Variants in RASGRF2 observed in about 807,000 individuals in gnomAD.
The protein encoded by RASGRF2 is Ras protein specific guanine nucleotide releasing factor 2, also known as ras-specific guanine nucleotide-releasing factor 2.
RASGRF2 carries 76 observed loss-of-function variants against 151.0 expected under a neutral mutation model. The ratio of observed to expected loss-of-function variants is 0.50; its 90% CI spans 0.42 to 0.61. RASGRF2 has a LOEUF of 0.61. Among genes scored for constraint, RASGRF2 ranks in the 20% least tolerant of loss-of-function variants. The pLI is 0.00. For synonymous variants in RASGRF2, 504 were observed against 566.5 expected (o/e 0.89, Z 1.57); for missense variants, 1,148 against 1,564.6 (o/e 0.73, Z 4.49).
intron 22 of RASGRF2, among the ~76,000 whole-genome samples, chr5:81,209,387 G>T (rs1755582464): frequency 6.6e-6 from 1 of 152,182 alleles, no homozygotes; most frequent in African/African-American, 2.4e-5. Flanking sequence ...GCAACGGGAA[G>T]CCTCCCCTTC....
chr5:81,129,710 A>C (rs2112577472), intron 17 of RASGRF2, among the ~76,000 whole-genome samples: 1 of 152,286 alleles, frequency 6.6e-6, no homozygotes, highest in Middle Eastern at 3.4e-3. Flanking sequence ...GAAATAAGGG[A>C]GGCTTTTCTA....
At chr5:81,112,967 C>G in intron 14 of RASGRF2, 109 bp downstream of exon 14, 1 of 1,396,618 alleles carries the variant, frequency 7.2e-7, no homozygotes, top group African/African-American at 1.4e-5. Flanking sequence ...CTAGGGTGTA[C>G]TAGCTTGCCT....
At chr5:81,224,350 C>T (rs1240777343) in intron 26 of RASGRF2, among the ~76,000 whole-genome samples, 4 of 152,102 alleles carry the variant, frequency 2.6e-5, no homozygotes, top group Non-Finnish European at 4.4e-5. Flanking sequence ...ACTGTAGGTG[C>T]GGAAGCTTTG....
At chr5:81,114,661 C>T (rs1204267681) in intron 15 of RASGRF2, among the ~76,000 whole-genome samples, 1 of 152,216 alleles carries the variant, frequency 6.6e-6, no homozygotes, top group Non-Finnish European at 1.5e-5. Context: ...GCCACGCTCC[C>T]TCATCTACTA....
intron 1 of RASGRF2, among the ~76,000 whole-genome samples, chr5:80,997,841 C>T (rs936945362): frequency 3.3e-5 from 5 of 151,678 alleles, no homozygotes; most frequent in Non-Finnish European, 5.9e-5. Flanking sequence ...TGGTGGCGGG[C>T]GCCTGTAGTC....
In RASGRF2 at chr5:81,127,071, C is replaced by T. The variant is rs1753475874; in HGVS notation, c.2597-3C>T. 10 of 1,613,692 alleles carry T rather than the reference C, an allele frequency of 6.2e-6. No individual in the cohort carries two copies. Among genetic ancestry groups the T allele is most frequent in the Non-Finnish European group, 8.5e-6 (10 of 1,179,738 alleles). ...TCCATTTCCTTTCTTTTCAAATAAC[C>T]AGGACAGACGGCGGACAATGCCCAC... On this transcript the variant is annotated splice_polypyrimidine_tract_variant and splice_region_variant and intron_variant, in intron 16 of 26. Transcript: ENST00000265080.
chr5:81,184,360 C>T (rs866287958), intron 18 of RASGRF2, among the ~76,000 whole-genome samples: 33 of 152,304 alleles, frequency 2.2e-4, no homozygotes, highest in African/African-American at 7.2e-4. Flanking sequence ...TTGTCCTCTG[C>T]GCGCAGACAG....
intron 12 of RASGRF2, among the ~76,000 whole-genome samples, chr5:81,103,933 AAGC>A (rs1295331597): frequency 6.6e-6 from 1 of 152,166 alleles, no homozygotes; most frequent in Admixed American, 6.5e-5. Flanking sequence ...CAAATCTTAA[AAGC>A]AGTGTTGTGT....
At chr5:81,064,672 C>T (rs1199107697) in intron 2 of RASGRF2, among the ~76,000 whole-genome samples, 1 of 152,112 alleles carries the variant, frequency 6.6e-6, no homozygotes, top group Non-Finnish European at 1.5e-5. Flanking sequence ...GTGAATGCTG[C>T]ATCGTGTAAC....
At chr5:81,113,251 G>A (rs9632426) in intron 14 of RASGRF2, 55 of 517,578 alleles carry the variant, frequency 1.1e-4, no homozygotes, top group African/African-American at 9.7e-4. Context: ...GATTCAGCAG[G>A]CCTGGTGTGG....
In RASGRF2 at chr5:81,113,693, C is replaced by T. The variant is rs771690878; in HGVS notation, c.2243C>T (p.Thr748Ile). Residue 748 changes from threonine to isoleucine, a missense_variant, in exon 15 of 27, where the codon ACT (threonine) becomes ATT (isoleucine). By Grantham distance (89) the Thr-to-Ile change is moderately conservative. Coordinates refer to ENST00000265080, the MANE Select transcript of RASGRF2 (RefSeq NM_006909.3). ...GTGAGGGCCAGAAAGCTGTCTTTGA[C>T]TTCTCCCTTGAACTCAAAGATAGGA... is the stretch of plus-strand genomic sequence containing the variant. The part of the protein sequence containing the change: ...SPVRARKLSL[T>I]SPLNSKIGAL... 2 of 1,613,336 alleles carry T rather than the reference C, an allele frequency of 1.2e-6. No individual in the cohort carries two copies. Among genetic ancestry groups the T allele is most frequent in the Non-Finnish European group, 1.7e-6 (2 of 1,179,276 alleles).
At chr5:81,119,545 G>A (rs933412495) in intron 15 of RASGRF2, among the ~76,000 whole-genome samples, 1 of 152,216 alleles carries the variant, frequency 6.6e-6, no homozygotes. Flanking sequence ...TCATAGCATG[G>A]AGAGACCAAG....
chr5:81,218,011 G>T (rs1755781053), intron 25 of RASGRF2, among the ~76,000 whole-genome samples: 1 of 152,160 alleles, frequency 6.6e-6, no homozygotes, highest in Admixed American at 6.5e-5. Flanking sequence ...CAAAGTGCTA[G>T]GATTACAGGA....
Position 80,960,873 on chromosome 5 carries a change from C to T in RASGRF2, c.135C>T (p.Ala45=), listed in dbSNP as rs756427212. The change falls in exon 1 of 27, where the codon GCC becomes GCT. Residue 45 remains alanine (A), a synonymous_variant. Coordinates refer to ENST00000265080, the MANE Select transcript of RASGRF2 (RefSeq NM_006909.3). The surrounding 1 kb of genome is among the most constrained non-coding windows in gnomAD (Gnocchi z 5.5). ...EASRWHEKWF[A]LYQNVLFYFE... is the part of the protein sequence containing the mutation. ...GCCGCTGGCACGAGAAGTGGTTCGC[C>T]CTCTACCAGAATGTGCTCTTCTACT... The T allele has an allele frequency of 3.1e-6, 5 of 1,613,340 alleles. No homozygotes were observed. The highest frequency in any genetic ancestry group is 1.1e-5 in the South Asian group (1 of 91,060).
At chr5:81,165,059 C>A (rs1265686596) in intron 17 of RASGRF2, among the ~76,000 whole-genome samples, 1 of 152,188 alleles carries the variant, frequency 6.6e-6, no homozygotes, top group Non-Finnish European at 1.5e-5. Flanking sequence ...GGGTGGGACC[C>A]AGCGTGACCT....
chr5:81,166,459 A>G (rs528718659), intron 17 of RASGRF2, among the ~76,000 whole-genome samples: 65 of 152,278 alleles, frequency 4.3e-4, no homozygotes, highest in Admixed American at 1.1e-3. Flanking sequence ...AACTGCTGGG[A>G]TTACAGGTGT....
intron 17 of RASGRF2, among the ~76,000 whole-genome samples, chr5:81,153,572 T>G (rs1404043307): frequency 6.6e-6 from 1 of 152,182 alleles, no homozygotes; most frequent in Non-Finnish European, 1.5e-5. Context: ...GCATCAAACT[T>G]TTGACCCCTG....
intron 18 of RASGRF2, among the ~76,000 whole-genome samples, chr5:81,190,192 C>T (rs541228387): frequency 1.8e-4 from 28 of 152,300 alleles, no homozygotes; most frequent in Admixed American, 1.4e-3. Flanking sequence ...GAGAATGCTC[C>T]GTTTAATTTA....
intron 1 of RASGRF2, among the ~76,000 whole-genome samples, chr5:81,011,469 C>T (rs1049229896): frequency 6.6e-5 from 10 of 152,036 alleles, no homozygotes; most frequent in Non-Finnish European, 1.3e-4. Context: ...GGGCCCGGCA[C>T]GGTGGCTCAT....
Sources: gnomAD v4.1 joint callset for allele counts (sites outside exome capture counted in the v4.1 genomes callset) on GRCh38, gnomAD v4.1.1 for gene constraint, Gnocchi (gnomAD v3.1) non-coding constraint, MANE v1.5 for transcripts, NCBI Gene and HGNC (gene_info 2026-07-23, HGNC 2026-07-21) for gene names.